SRGAP1: variants seen among roughly 807,000 people sequenced by gnomAD.
SRGAP1 encodes the protein SLIT-ROBO Rho GTPase activating protein 1, also known as SLIT-ROBO Rho GTPase-activating protein 1.
SRGAP1 carries 43 observed loss-of-function variants against 121.9 expected under a neutral mutation model. That is an observed-to-expected ratio of 0.35 (90% CI 0.28 to 0.46). The LOEUF is 0.46. SRGAP1 is among the 20% of genes least tolerant of loss of function. The pLI is 1.00. For missense variants in SRGAP1, 1,102 were observed against 1,350.9 expected, an observed-to-expected ratio of 0.82 and a Z score of 2.89; for synonymous variants, 447 against 485.4, an observed-to-expected ratio of 0.92 and a Z score of 1.04.
At chr12:64,110,023 C>A (rs541186600) in intron 16 of SRGAP1, among the ~76,000 whole-genome samples, 8 of 152,268 alleles carry the variant, frequency 5.3e-5, no homozygotes, top group African/African-American at 1.9e-4. Context: ...ACAGTAGCAA[C>A]CCCTTTGTAC....
intron 1 of SRGAP1, among the ~76,000 whole-genome samples, chr12:63,874,572 A>G (rs900466587): frequency 6.6e-6 from 1 of 152,168 alleles, no homozygotes; most frequent in African/African-American, 2.4e-5. Context: ...AGAGAGAAAA[A>G]TATGATTAAT....
At chr12:64,072,749 A>T (rs185544057) in intron 8 of SRGAP1, among the ~76,000 whole-genome samples, 3 of 152,360 alleles carry the variant, frequency 2.0e-5, no homozygotes, top group Admixed American at 1.3e-4. Flanking sequence ...GCCACTCAGT[A>T]CCTGGTTTGC....
intron 6 of SRGAP1, among the ~76,000 whole-genome samples, chr12:64,058,253 T>A (rs789720): frequency 0.95 from 145,421 of 152,276 alleles, 69,763 homozygotes; most frequent in East Asian, 1. Context: ...ATCTAGACTT[T>A]CAATGGCTCA....
chr12:64,126,187 T>C (rs373790166), intron 19 of SRGAP1, 30 bp downstream of exon 19: 1 of 1,602,012 alleles, frequency 6.2e-7, no homozygotes, highest in African/African-American at 1.3e-5. Flanking sequence ...ATTGCCTGAG[T>C]GCTCCCAATA....
At chr12:63,987,578 C>T (rs943514111) in intron 2 of SRGAP1, among the ~76,000 whole-genome samples, 8 of 152,000 alleles carry the variant, frequency 5.3e-5, no homozygotes, top group Admixed American at 2.0e-4. Context: ...AAAAATTAGC[C>T]GGGCATGGTG....
At position 64,148,701 on chromosome 12, in the gene SRGAP1, T is replaced by TA. The variant is rs1440639531; in HGVS notation, c.*6035dup. ...TTGAATATTGATAAGATATAAAGTT[T>TA]AAAAAATGACAGGCAAATCAAGGAA... On this transcript the variant is annotated 3_prime_UTR_variant, in exon 22 of 22. Transcript: ENST00000355086. The TA allele has an allele frequency of 6.6e-6, 1 of 152,216 alleles. No individual in the cohort carries two copies. The highest frequency in any genetic ancestry group is 2.4e-5 in the African/African-American group (1 of 41,440). 9.4% of individuals were successfully genotyped at this position (152,216 alleles called of 1,614,324 possible). A position where few individuals can be genotyped will look rare whatever the true frequency, so the allele number is the denominator to read the frequency against.
rs184569813 is a variant in SRGAP1, at chr12:63,886,121, C to T, written c.67+41238C>T. On this transcript the variant is annotated intron_variant, in intron 1 of 21. Coordinates refer to ENST00000355086, the MANE Select transcript of SRGAP1 (RefSeq NM_020762.4). ...CGCTGCCCAGGCTGGAGTGCAGCGG[C>T]GCAATCTCAGCTCACTGCAACCTTC... Among the ~76,000 whole-genome samples the T allele has an allele frequency of 2.6e-4, 39 of 152,266 alleles. No individual in the cohort carries two copies. In the East Asian group the frequency reaches 7.1e-3, roughly 28 times the overall value.
intron 1 of SRGAP1, among the ~76,000 whole-genome samples, chr12:63,883,217 T>C (rs1900252732): frequency 6.6e-6 from 1 of 152,264 alleles, no homozygotes; most frequent in Admixed American, 6.5e-5. Context: ...ATGGTGTGAT[T>C]GAACCCACCT....
chr12:64,047,487 A>T (rs2035153618), intron 6 of SRGAP1, among the ~76,000 whole-genome samples: 1 of 152,184 alleles, frequency 6.6e-6, no homozygotes, highest in Non-Finnish European at 1.5e-5. Flanking sequence ...GAAGAGCTGT[A>T]ATGCCTCCGG....
intron 8 of SRGAP1, among the ~76,000 whole-genome samples, chr12:64,075,013 C>T (rs769086398): frequency 1.2e-4 from 18 of 151,444 alleles, no homozygotes; most frequent in Admixed American, 2.6e-4. Context: ...TTGAGTCTGC[C>T]GAGACCACCT....
chr12:63,965,284 A>G lies in SRGAP1; in HGVS notation c.68-18663A>G, dbSNP rs558439451. Among the ~76,000 whole-genome samples, 9 of 152,318 alleles carry G rather than the reference A, an allele frequency of 5.9e-5. 1 individual carries two copies. In the South Asian group the frequency reaches 1.9e-3, roughly 32 times the overall value. ...ACACATCATTGGGTTTTGGAAAATC[A>G]AAATGAATGTAACCTAGAGCTTTGC... On this transcript the variant is annotated intron_variant, in intron 1 of 21. Transcript: ENST00000355086.
intron 18 of SRGAP1, among the ~76,000 whole-genome samples, chr12:64,123,111 T>A (rs2036629094): frequency 6.6e-6 from 1 of 151,936 alleles, no homozygotes; most frequent in South Asian, 2.1e-4. Flanking sequence ...CATGTGTTGG[T>A]ATCTTTTAAT....
intron 1 of SRGAP1, among the ~76,000 whole-genome samples, chr12:63,949,487 G>T (rs978734975): frequency 4.7e-5 from 7 of 149,860 alleles, no homozygotes; most frequent in Non-Finnish European, 7.4e-5. Context: ...GAGTGCAGTG[G>T]CGTGATGTTG....
chr12:63,890,587 T>G (rs1408580651), intron 1 of SRGAP1, among the ~76,000 whole-genome samples: 1 of 152,178 alleles, frequency 6.6e-6, no homozygotes, highest in Non-Finnish European at 1.5e-5. Flanking sequence ...GTGGGCCCTG[T>G]GCCCAGCCCT....
At chr12:64,137,733 A>G (rs992227330) in intron 21 of SRGAP1, among the ~76,000 whole-genome samples, 1 of 152,144 alleles carries the variant, frequency 6.6e-6, no homozygotes, top group African/African-American at 2.4e-5. Flanking sequence ...TTATGCAAAC[A>G]AAATTAAACA....
chr12:63,889,546 T>C (rs1257231385), intron 1 of SRGAP1, among the ~76,000 whole-genome samples: 1 of 152,094 alleles, frequency 6.6e-6, no homozygotes, highest in Non-Finnish European at 1.5e-5. Flanking sequence ...CAATGCCGTG[T>C]GGAAACAGTG....
intron 21 of SRGAP1, among the ~76,000 whole-genome samples, chr12:64,131,873 G>A (rs527264869): frequency 6.6e-6 from 1 of 152,216 alleles, no homozygotes; most frequent in Non-Finnish European, 1.5e-5. Flanking sequence ...GCCAAGAGCT[G>A]TCTCTCAAAA....
chr12:63,923,626 A>G (rs760855993), intron 1 of SRGAP1, among the ~76,000 whole-genome samples: 17 of 152,182 alleles, frequency 1.1e-4, no homozygotes, highest in Non-Finnish European at 2.1e-4. Context: ...TTTCTCTCCT[A>G]TTAGACTAAG....
At chr12:64,011,662 C>T (rs2034255779) in intron 3 of SRGAP1, among the ~76,000 whole-genome samples, 1 of 152,044 alleles carries the variant, frequency 6.6e-6, no homozygotes, top group Non-Finnish European at 1.5e-5. Context: ...GGAAACAGTA[C>T]ACTTAAATTT....
Sources: allele counts gnomAD v4.1 joint callset (sites outside exome capture counted in the v4.1 genomes callset), GRCh38; gene constraint gnomAD v4.1.1; transcripts MANE v1.5; gene names NCBI Gene and HGNC (gene_info 2026-07-23, HGNC 2026-07-21).